SH3GL3: variants seen among roughly 807,000 people sequenced by gnomAD.
The protein encoded by SH3GL3 is SH3 domain containing GRB2 like 3, endophilin A3.
In SH3GL3, 33 loss-of-function variants were observed where a neutral mutation model predicts 47.7. That is an observed-to-expected ratio of 0.69 (90% CI 0.52 to 0.92). The LOEUF is 0.92. Among genes scored for constraint, SH3GL3 ranks in the 40% least tolerant of loss-of-function variants. The pLI, the probability that SH3GL3 is intolerant of heterozygous loss-of-function variation, is 0.00. For synonymous variants in SH3GL3, 155 were observed against 148.8 expected, an observed-to-expected ratio of 1.04 and a Z score of -0.30; for missense variants, 363 against 417.8, an observed-to-expected ratio of 0.87 and a Z score of 1.14.
chr15:83,618,433 A>G lies in SH3GL3; in HGVS notation c.*146A>G. ...GTGCTCTCTTTATAATGTATTTTAT[A>G]TCACTTTAATTTGTATAAATGATTT... On this transcript the variant is annotated 3_prime_UTR_variant, in exon 9 of 9. Coordinates refer to ENST00000427482, the MANE Select transcript of SH3GL3 (RefSeq NM_003027.5). 1 of 603,114 alleles carries G rather than the reference A, an allele frequency of 1.7e-6. No homozygotes were observed. The highest frequency in any genetic ancestry group is 3.0e-6 in the Non-Finnish European group (1 of 336,446). 37.4% of individuals were successfully genotyped at this position (603,114 alleles called of 1,614,324 possible).
intron 1 of SH3GL3, among the ~76,000 whole-genome samples, chr15:83,465,250 C>T (rs2040517712): frequency 6.6e-6 from 1 of 151,744 alleles, no homozygotes; most frequent in Non-Finnish European, 1.5e-5. Context: ...GCAGAGGTTG[C>T]AGTGAGCCAA....
At chr15:83,479,995 AT>A (rs2041273691) in intron 1 of SH3GL3, among the ~76,000 whole-genome samples, 1 of 152,204 alleles carries the variant, frequency 6.6e-6, no homozygotes, top group African/African-American at 2.4e-5. Flanking sequence ...AACTTTTATT[AT>A]TTTGTGATTA....
rs1396600468 is a variant in SH3GL3, at chr15:83,447,829, G to A, written c.45+251G>A. On this transcript the variant is annotated intron_variant, in intron 1 of 8. Transcript: ENST00000427482. This position sits in a 1 kb window ranked among gnomAD's most constrained non-coding sequence, Gnocchi z 5.1. ...TTGTAAATCGGAGAGATTCTGCGGA[G>A]CGGAGGGCAGAGGTGGCGGCCGCGG... 6.6e-6 allele frequency among the ~76,000 whole-genome samples: 1 copy of A among 152,158 alleles called. No individual in the cohort carries two copies. The highest frequency in any genetic ancestry group is 1.5e-5 in the Non-Finnish European group (1 of 68,010).
At chr15:83,559,702 C>T (rs1159704287) in intron 2 of SH3GL3, among the ~76,000 whole-genome samples, 15 of 152,050 alleles carry the variant, frequency 9.9e-5, no homozygotes, top group Admixed American at 9.2e-4. Context: ...ATTTATTTAC[C>T]GTGTGGAAGA....
intron 1 of SH3GL3, among the ~76,000 whole-genome samples, chr15:83,473,083 G>C (rs559675632): frequency 1.6e-4 from 24 of 152,304 alleles, no homozygotes; most frequent in African/African-American, 5.8e-4. Flanking sequence ...GGCGGGGGCA[G>C]CCTCATTACC....
At position 83,462,403 on chromosome 15, in the gene SH3GL3, T is replaced by C. The variant is rs937946837; in HGVS notation, c.45+14825T>C. Among the ~76,000 whole-genome samples the C allele has an allele frequency of 3.9e-5, 6 of 152,358 alleles. No individual in the cohort carries two copies. The South Asian group carries it at 8.3e-4, about 21-fold the overall frequency. ...ACAAAAGCTGATCTAAGAAATCCCT[T>C]AGTCCACTTATTGAGTAGCTTTGGC... On this transcript the variant is annotated intron_variant, in intron 1 of 8. Coordinates refer to ENST00000427482, the MANE Select transcript of SH3GL3 (RefSeq NM_003027.5).
the SH3GL3 span, among the ~76,000 whole-genome samples, chr15:83,630,865 T>C: frequency 6.9e-4 from 105 of 152,240 alleles, no homozygotes; most frequent in African/African-American, 2.5e-3. Flanking sequence ...AACACAATCA[T>C]GCCCTTCCAA....
At chr15:83,503,562 A>T (rs916650315) in intron 1 of SH3GL3, among the ~76,000 whole-genome samples, 1 of 152,230 alleles carries the variant, frequency 6.6e-6, no homozygotes, top group Non-Finnish European at 1.5e-5. Context: ...AAGCCTCAAC[A>T]ACCTTACGGG....
chr15:83,595,141 T>G (rs1567022805), intron 8 of SH3GL3, among the ~76,000 whole-genome samples: 2 of 152,148 alleles, frequency 1.3e-5, no homozygotes, highest in Non-Finnish European at 2.9e-5. Context: ...GAAAACGTAC[T>G]ACATATATTC....
At chr15:83,580,985 T>G (rs1256035536) in intron 6 of SH3GL3, among the ~76,000 whole-genome samples, 1 of 152,188 alleles carries the variant, frequency 6.6e-6, no homozygotes, top group Non-Finnish European at 1.5e-5. Flanking sequence ...CTGAGATGGG[T>G]GTGCTTGGTG....
intron 3 of SH3GL3, among the ~76,000 whole-genome samples, chr15:83,567,677 G>A (rs1194831630): frequency 2.6e-5 from 4 of 152,104 alleles, no homozygotes; most frequent in African/African-American, 9.7e-5. Context: ...AAAATCATTA[G>A]GCTCAATCAG....
At chr15:83,572,529 C>T in intron 4 of SH3GL3, 36 bp from the exon 5 acceptor site, 3 of 1,587,134 alleles carry the variant, frequency 1.9e-6, no homozygotes, top group East Asian at 2.2e-5. Context: ...AGTAGTGTTC[C>T]CAAAGAACCT....
chr15:83,517,032 G>C (rs1266999873), intron 1 of SH3GL3, among the ~76,000 whole-genome samples: 1 of 151,472 alleles, frequency 6.6e-6, no homozygotes, highest in Non-Finnish European at 1.5e-5. Flanking sequence ...TAGACTTCTG[G>C]GGTCTTTTCA....
chr15:83,595,828 T>A (rs903238272), intron 8 of SH3GL3, among the ~76,000 whole-genome samples: 20 of 152,256 alleles, frequency 1.3e-4, no homozygotes, highest in African/African-American at 4.3e-4. Context: ...TATATAGAAT[T>A]TGTAGTGATT....
chr15:83,618,384 A>G lies in SH3GL3; in HGVS notation c.*97A>G. On this transcript the variant is annotated 3_prime_UTR_variant, in exon 9 of 9. Transcript: ENST00000427482. ...GTTCTGTGACATCCTTTGCTCTCTG[A>G]CCAACTTAATGACTTTTGTATGTGT... is the stretch of plus-strand genomic sequence containing the variant. The G allele has an allele frequency of 1.3e-6, 1 of 756,516 alleles. No homozygotes were observed. Among genetic ancestry groups the G allele is most frequent in the South Asian group, 1.6e-5 (1 of 64,400 alleles). 46.9% of individuals were successfully genotyped at this position (756,516 alleles called of 1,614,324 possible). A position where few individuals can be genotyped will look rare whatever the true frequency, so the allele number is the denominator to read the frequency against.
downstream of SH3GL3, among the ~76,000 whole-genome samples, chr15:83,621,011 C>T (rs1240224727): frequency 6.6e-6 from 1 of 152,204 alleles, no homozygotes; most frequent in Non-Finnish European, 1.5e-5. Context: ...CATGAACCCA[C>T]CCCTGCTAGC....
At chr15:83,568,780 C>G in intron 4 of SH3GL3, 108 bp downstream of exon 4, 3 of 711,756 alleles carry the variant, frequency 4.2e-6, no homozygotes, top group Non-Finnish European at 6.9e-6. Flanking sequence ...TCCATATTAC[C>G]AAAGTAATAC....
chr15:83,501,009 T>C (rs1367085413), intron 1 of SH3GL3, among the ~76,000 whole-genome samples: 2 of 152,226 alleles, frequency 1.3e-5, no homozygotes, highest in Non-Finnish European at 2.9e-5. Flanking sequence ...CCTCTGTGTA[T>C]CCCTGAAACT....
chr15:83,551,753 A>T (rs937834826), intron 1 of SH3GL3, among the ~76,000 whole-genome samples: 4 of 152,150 alleles, frequency 2.6e-5, no homozygotes, highest in South Asian at 2.1e-4. Flanking sequence ...CTGAATTATT[A>T]TGCTGTTTCC....
Sources: allele counts gnomAD v4.1 joint callset (sites outside exome capture counted in the v4.1 genomes callset), GRCh38; gene constraint gnomAD v4.1.1; non-coding constraint Gnocchi (gnomAD v3.1); transcripts MANE v1.5; gene names NCBI Gene and HGNC (gene_info 2026-07-23, HGNC 2026-07-21).